The following SPAG16 variants were observed in gnomAD, a reference collection of about 807,000 sequenced individuals.
SPAG16 encodes sperm-associated antigen 16 protein.
Under a neutral mutation model 80.4 loss-of-function variants are expected in SPAG16, and 86 were observed. The ratio of observed to expected loss-of-function variants is 1.07; its 90% CI spans 0.90 to 1.28. SPAG16 has a LOEUF of 1.28. Among genes scored for constraint, SPAG16 ranks in the 50% most tolerant of loss-of-function variants. SPAG16 has a pLI of 0.00. For synonymous variants in SPAG16, 294 were observed against 265.9 expected (o/e 1.11, Z -1.03); for missense variants, 870 against 765.3 (o/e 1.14, Z -1.61).
chr2:213,428,825 C>T (rs2070107604), intron 9 of SPAG16, among the ~76,000 whole-genome samples: 1 of 152,122 alleles, frequency 6.6e-6, no homozygotes, highest in Non-Finnish European at 1.5e-5. Context: ...GGCATGGTGG[C>T]TCATGCCTGT....
chr2:213,641,868 G>T (rs941717984), intron 10 of SPAG16, among the ~76,000 whole-genome samples: 5 of 152,306 alleles, frequency 3.3e-5, no homozygotes, highest in African/African-American at 4.8e-5. Flanking sequence ...TGGTGGAAAG[G>T]GAAGCAAGAA....
chr2:213,974,015 A>T (rs2045226008), intron 12 of SPAG16, among the ~76,000 whole-genome samples: 1 of 152,104 alleles, frequency 6.6e-6, no homozygotes, highest in African/African-American at 2.4e-5. Context: ...GGAAAAGATT[A>T]ATAAGGATAA....
intron 10 of SPAG16, among the ~76,000 whole-genome samples, chr2:213,631,707 T>A (rs1313844027): frequency 6.6e-6 from 1 of 152,220 alleles, no homozygotes; most frequent in East Asian, 1.9e-4. Context: ...CTTACGGATA[T>A]CTGGTTTTCC....
At chr2:213,901,300 A>G (rs2077211292) in intron 11 of SPAG16, among the ~76,000 whole-genome samples, 1 of 152,190 alleles carries the variant, frequency 6.6e-6, no homozygotes, top group African/African-American at 2.4e-5. Context: ...TGTGATTTTC[A>G]TTGTCATTGA....
Position 213,328,092 on chromosome 2 carries a change from C to T in SPAG16, c.536+10736C>T, listed in dbSNP as rs148285194. ...CCTATATTGAATATGATATTATTAT[C>T]ATATTAGCATTACTCCAATGAAGTA... On this transcript the variant is annotated intron_variant, in intron 5 of 15. Transcript: ENST00000331683. Among the ~76,000 whole-genome samples the T allele has an allele frequency of 1.2e-3, 181 of 152,074 alleles. 1 individual carries two copies. The highest frequency in any genetic ancestry group is 4.3e-3 in the African/African-American group (180 of 41,478).
At chr2:213,525,747 T>A (rs2075865253) in intron 10 of SPAG16, among the ~76,000 whole-genome samples, 1 of 152,192 alleles carries the variant, frequency 6.6e-6, no homozygotes, top group Non-Finnish European at 1.5e-5. Flanking sequence ...AAGTGCTTTC[T>A]TAAATATATC....
At chr2:213,718,369 C>T (rs2066341097) in intron 10 of SPAG16, among the ~76,000 whole-genome samples, 1 of 152,066 alleles carries the variant, frequency 6.6e-6, no homozygotes, top group South Asian at 2.1e-4. Flanking sequence ...ACCCCCCCTG[C>T]CTGGGCTCCC....
intron 11 of SPAG16, among the ~76,000 whole-genome samples, chr2:213,871,859 C>T (rs937530671): frequency 8.3e-5 from 4 of 48,228 alleles, no homozygotes; most frequent in Admixed American, 3.2e-4. Flanking sequence ...CACACACACA[C>T]ACACACACAC....
chr2:213,776,826 A>ACCCCC (rs140864608), intron 10 of SPAG16, among the ~76,000 whole-genome samples: 6 of 107,542 alleles, frequency 5.6e-5, no homozygotes, highest in African/African-American at 1.1e-4. Flanking sequence ...GTTCTATGCC[A>ACCCCC]CCCCCCCCCC....
At chr2:214,247,297 C>CA (rs962279734) in intron 15 of SPAG16, among the ~76,000 whole-genome samples, 14 of 148,722 alleles carry the variant, frequency 9.4e-5, no homozygotes, top group East Asian at 5.9e-4. Flanking sequence ...ATCTTTTTTC[C>CA]AAAAAAAAAG....
chr2:213,818,502 T>G (rs1242457079), intron 10 of SPAG16, among the ~76,000 whole-genome samples: 1 of 152,214 alleles, frequency 6.6e-6, no homozygotes, highest in East Asian at 1.9e-4. Context: ...GTCTCATATT[T>G]GCAGGACTGC....
chr2:213,536,713 T>C (rs1396215475), intron 10 of SPAG16, among the ~76,000 whole-genome samples: 8 of 152,192 alleles, frequency 5.3e-5, no homozygotes, highest in Non-Finnish European at 8.8e-5. Flanking sequence ...GAGTTCATTG[T>C]AGATTCTGGA....
At chr2:214,143,231 T>G (rs1329335342) in intron 14 of SPAG16, among the ~76,000 whole-genome samples, 1 of 138,072 alleles carries the variant, frequency 7.2e-6, no homozygotes, top group African/African-American at 2.7e-5. Context: ...ATCATAGTTT[T>G]GGGTTTTTTT....
intron 9 of SPAG16, among the ~76,000 whole-genome samples, chr2:213,449,106 C>T (rs924309379): frequency 5.9e-5 from 9 of 152,010 alleles, no homozygotes; most frequent in Admixed American, 1.3e-4. Context: ...TATAAATGGC[C>T]GCTCTGGGAA....
chr2:213,968,982 T>TACA (rs1468885528), intron 12 of SPAG16, among the ~76,000 whole-genome samples: 1 of 152,184 alleles, frequency 6.6e-6, no homozygotes, highest in Non-Finnish European at 1.5e-5. Flanking sequence ...CATACAGATG[T>TACA]ACAAGTATTA....
Position 214,297,815 on chromosome 2 carries a change from A to G in SPAG16, c.1721-112325A>G, listed in dbSNP as rs1443488710. ...CTTTTTGCTTAAGATTGCTTGGGCT[A>G]TTTGGCTCTTTTTTTTTTTTTGGTT... On this transcript the variant is annotated intron_variant, in intron 15 of 15. Coordinates refer to ENST00000331683, the MANE Select transcript of SPAG16 (RefSeq NM_024532.5). Among the ~76,000 whole-genome samples, 3 of 139,962 alleles carry G rather than the reference A, an allele frequency of 2.1e-5. No individual in the cohort carries two copies. The East Asian group carries it at 6.0e-4, about 28-fold the overall frequency. The allele number at this position is 139,962 out of a possible 152,430, so 91.8% of individuals were successfully genotyped here.
At chr2:214,086,831 G>A (rs981353155) in intron 13 of SPAG16, among the ~76,000 whole-genome samples, 1 of 152,152 alleles carries the variant, frequency 6.6e-6, no homozygotes, top group Non-Finnish European at 1.5e-5. Flanking sequence ...CTCAGAAAGT[G>A]TCTTCAGGCA....
At chr2:213,468,700 A>G (rs934705818) in intron 9 of SPAG16, among the ~76,000 whole-genome samples, 1 of 148,162 alleles carries the variant, frequency 6.7e-6, no homozygotes, top group Non-Finnish European at 1.5e-5. Context: ...ATGTGTGTAT[A>G]TATATATCTG....
At chr2:214,125,026 A>G (rs961075983) in intron 14 of SPAG16, among the ~76,000 whole-genome samples, 1 of 151,694 alleles carries the variant, frequency 6.6e-6, no homozygotes, top group Non-Finnish European at 1.5e-5. Context: ...GAAACCATTC[A>G]AGTTTTTATA....
Sources: gnomAD v4.1 joint callset for allele counts (sites outside exome capture counted in the v4.1 genomes callset) on GRCh38, gnomAD v4.1.1 for gene constraint, MANE v1.5 for transcripts, NCBI Gene and HGNC (gene_info 2026-07-23, HGNC 2026-07-21) for gene names.